FAF1: variants seen among roughly 807,000 people sequenced by gnomAD.
FAF1 encodes the protein FAS-associated factor 1.
In FAF1, 25 loss-of-function variants were observed where a neutral mutation model predicts 92.5. That is an observed-to-expected ratio of 0.27 (90% confidence interval 0.20 to 0.38). The LOEUF (loss-of-function observed/expected upper bound fraction) is 0.38, where lower values mean the gene tolerates loss of function less well. FAF1 is among the 10% of genes least tolerant of loss of function. The pLI, the probability that FAF1 is intolerant of heterozygous loss-of-function variation, is 1.00. For synonymous variants in FAF1, 234 were observed against 273.2 expected, an observed-to-expected ratio of 0.86 and a Z score of 1.42; for missense variants, 636 against 793.3, an observed-to-expected ratio of 0.80 and a Z score of 2.38.
chr1:50,755,143 T>C (rs1296937781), intron 4 of FAF1, among the ~76,000 whole-genome samples: 3 of 151,940 alleles, frequency 2.0e-5, no homozygotes, highest in African/African-American at 7.3e-5. Context: ...AACTCAAAAG[T>C]CCACAGTCCA....
intron 4 of FAF1, among the ~76,000 whole-genome samples, chr1:50,750,945 G>T (rs1349591831): frequency 4.0e-5 from 6 of 149,322 alleles, no homozygotes; most frequent in Non-Finnish European, 8.9e-5. Context: ...GTTTATATGC[G>T]TACAAACAAA....
intron 12 of FAF1, among the ~76,000 whole-genome samples, chr1:50,580,302 T>G (rs1650933217): frequency 6.6e-6 from 1 of 151,842 alleles, no homozygotes; most frequent in Non-Finnish European, 1.5e-5. Context: ...TTATAAAAAT[T>G]TATTCATCAA....
chr1:50,676,042 A>C (rs1323352278), intron 7 of FAF1, among the ~76,000 whole-genome samples: 1 of 152,190 alleles, frequency 6.6e-6, no homozygotes, highest in Non-Finnish European at 1.5e-5. Context: ...TCTTTTTCCT[A>C]ACATTTCACA....
chr1:50,798,504 T>C (rs1661850028), intron 3 of FAF1, among the ~76,000 whole-genome samples: 1 of 152,228 alleles, frequency 6.6e-6, no homozygotes, highest in Non-Finnish European at 1.5e-5. Flanking sequence ...CTGGACAATA[T>C]GTTAAATAAA....
At chr1:50,765,195 A>G (rs1449393299) in intron 4 of FAF1, among the ~76,000 whole-genome samples, 1 of 152,222 alleles carries the variant, frequency 6.6e-6, no homozygotes, top group East Asian at 1.9e-4. Flanking sequence ...CCTGCCCAGG[A>G]GAGAAATAAT....
At chr1:50,730,082 G>A (rs1658855006) in intron 6 of FAF1, among the ~76,000 whole-genome samples, 1 of 152,082 alleles carries the variant, frequency 6.6e-6, no homozygotes, top group African/African-American at 2.4e-5. Context: ...ATCCTCTGGA[G>A]GGTGAAGGGG....
At chr1:50,854,155 G>T (rs1173031428) in intron 2 of FAF1, among the ~76,000 whole-genome samples, 1 of 151,974 alleles carries the variant, frequency 6.6e-6, no homozygotes, top group Admixed American at 6.6e-5. Flanking sequence ...AATTACACAA[G>T]CCATATAGAT....
chr1:50,672,009 G>C (rs1261175162), intron 7 of FAF1, among the ~76,000 whole-genome samples: 1 of 137,098 alleles, frequency 7.3e-6, no homozygotes, highest in African/African-American at 2.9e-5. Flanking sequence ...TGTTGTCCAG[G>C]GTGGTCTTTC....
chr1:50,845,664 A>G (rs1644292804), intron 2 of FAF1, among the ~76,000 whole-genome samples: 1 of 152,058 alleles, frequency 6.6e-6, no homozygotes, highest in African/African-American at 2.4e-5. Flanking sequence ...CCAAACCAGT[A>G]AGCATCTTTT....
At chr1:50,762,011 G>A (rs1432357549) in intron 4 of FAF1, among the ~76,000 whole-genome samples, 3 of 152,060 alleles carry the variant, frequency 2.0e-5, no homozygotes, top group African/African-American at 7.2e-5. Flanking sequence ...CAAAATCAAT[G>A]TACAAAAATC....
intron 2 of FAF1, among the ~76,000 whole-genome samples, chr1:50,849,872 AT>A (rs1487462150): frequency 3.9e-5 from 6 of 152,190 alleles, no homozygotes; most frequent in African/African-American, 1.4e-4. Context: ...TTCCCCTGCT[AT>A]ATCTATGAAT....
At chr1:50,621,391 C>CTTTTTTT (rs36053834) in intron 8 of FAF1, among the ~76,000 whole-genome samples, 71 of 89,230 alleles carry the variant, frequency 8.0e-4, no homozygotes, top group African/African-American at 1.0e-3. Flanking sequence ...TTCTTTTTTT[C>CTTTTTTT]TTTTTTTTTT....
intron 15 of FAF1, among the ~76,000 whole-genome samples, chr1:50,493,072 A>C: frequency 7.0e-6 from 1 of 143,124 alleles, no homozygotes; most frequent in African/African-American, 2.7e-5. Context: ...TTGCTCTGTC[A>C]CCCAGGCTGG....
chr1:50,619,897 GTC>G (rs765226812), intron 8 of FAF1, among the ~76,000 whole-genome samples: 3 of 150,214 alleles, frequency 2.0e-5, no homozygotes, highest in Non-Finnish European at 4.4e-5. Context: ...AGTAGATTTG[GTC>G]TCTCTCTCTC....
chr1:50,649,029 G>A (rs1160899718), intron 8 of FAF1, among the ~76,000 whole-genome samples: 1 of 152,120 alleles, frequency 6.6e-6, no homozygotes, highest in East Asian at 1.9e-4. Flanking sequence ...TGATCCGTCT[G>A]CCTTGGCCTC....
At chr1:50,612,257 G>T in intron 8 of FAF1, 1 of 614,860 alleles carries the variant, frequency 1.6e-6, no homozygotes, top group Non-Finnish European at 2.4e-6. Context: ...CAAGCCCTTT[G>T]CCTTATTCTA....
intron 15 of FAF1, among the ~76,000 whole-genome samples, chr1:50,494,963 AT>A (rs1285387435): frequency 6.6e-6 from 1 of 152,118 alleles, no homozygotes; most frequent in Non-Finnish European, 1.5e-5. Flanking sequence ...TAATTTACTT[AT>A]TTTTAGTTAA....
chr1:50,583,575 A>T lies in FAF1; in HGVS notation c.1031+77T>A. 1 of 843,428 alleles carries T rather than the reference A, an allele frequency of 1.2e-6. No individual in the cohort carries two copies. The highest frequency in any genetic ancestry group is 1.8e-6 in the Non-Finnish European group (1 of 545,134). 52.2% of individuals were successfully genotyped at this position (843,428 alleles called of 1,614,324 possible). A position where few individuals can be genotyped will look rare whatever the true frequency, so the allele number is the denominator to read the frequency against. On this transcript the variant is annotated intron_variant, in intron 11 of 18. Transcript: ENST00000396153. The surrounding 1 kb of genome is among the most constrained non-coding windows in gnomAD (Gnocchi z 4.2). Reference sequence around the variant, plus strand: ...TTTAAGGAGAAACTTTAAACAATCTATAATTAAAATTGCCCAAGAAAAATC... The same window carrying T: ...TTTAAGGAGAAACTTTAAACAATCTTTAATTAAAATTGCCCAAGAAAAATC...
At chr1:50,454,438 T>C (rs933927388) in intron 18 of FAF1, among the ~76,000 whole-genome samples, 1 of 152,200 alleles carries the variant, frequency 6.6e-6, no homozygotes, top group African/African-American at 2.4e-5. Context: ...TTAATCTTTC[T>C]CCTATTCCTG....
Sources: gnomAD v4.1 joint callset for allele counts (sites outside exome capture counted in the v4.1 genomes callset) on GRCh38, gnomAD v4.1.1 for gene constraint, Gnocchi (gnomAD v3.1) non-coding constraint, MANE v1.5 for transcripts, NCBI Gene and HGNC (gene_info 2026-07-23, HGNC 2026-07-21) for gene names.